UMAD1: variants seen among roughly 807,000 people sequenced by gnomAD.
UMAD1 encodes the protein UBAP1-MVB12-associated (UMA) domain containing 1, also known as UBAP1-MVB12-associated (UMA)-domain containing protein 1.
In UMAD1, 8 loss-of-function variants were observed where a neutral mutation model predicts 6.1. The ratio of observed to expected loss-of-function variants is 1.30; its 90% confidence interval spans 0.76 to 2.35. The LOEUF (loss-of-function observed/expected upper bound fraction) is 2.35. Among genes scored for constraint, UMAD1 ranks in the 30% most tolerant of loss-of-function variants. The pLI is 0.00. For synonymous variants in UMAD1, 56 were observed against 31.4 expected, an observed-to-expected ratio of 1.78 and a Z score of -2.61; for missense variants, 130 against 78.4, an observed-to-expected ratio of 1.66 and a Z score of -2.49.
intron 2 of UMAD1, among the ~76,000 whole-genome samples, chr7:7,772,616 A>T (rs1782122999): frequency 6.6e-6 from 1 of 152,222 alleles, no homozygotes; most frequent in African/African-American, 2.4e-5. Flanking sequence ...AATTGAAAGT[A>T]GTGTGGTTTG....
intron 3 of UMAD1, among the ~76,000 whole-genome samples, chr7:7,847,104 AATATATATATATATAT>A (rs1170307529): frequency 1.5e-4 from 1 of 6,620 alleles, no homozygotes; most frequent in Non-Finnish European, 2.3e-4. Flanking sequence ...AAAAAAAAAA[AATATATATATATATAT>A]ATATATATAT....
intron 1 of UMAD1, among the ~76,000 whole-genome samples, chr7:7,669,897 CTT>C (rs1779562652): frequency 6.6e-6 from 1 of 152,148 alleles, no homozygotes; most frequent in Non-Finnish European, 1.5e-5. Context: ...CTACACGTTT[CTT>C]GACTTTTGGA....
intron 3 of UMAD1, among the ~76,000 whole-genome samples, chr7:7,847,753 G>A (rs111934502): frequency 1.3e-5 from 2 of 152,170 alleles, no homozygotes; most frequent in South Asian, 2.1e-4. Flanking sequence ...GCCTTGCTAT[G>A]TTGCCCAGGC....
At chr7:7,840,856 C>T (rs1055824106) in intron 3 of UMAD1, among the ~76,000 whole-genome samples, 23 of 152,132 alleles carry the variant, frequency 1.5e-4, no homozygotes, top group Admixed American at 1.4e-3. Context: ...TCTGAATTGA[C>T]GTTCTACAGT....
intron 2 of UMAD1, among the ~76,000 whole-genome samples, chr7:7,741,722 C>T (rs952711961): frequency 4.0e-5 from 6 of 151,546 alleles, no homozygotes; most frequent in Non-Finnish European, 5.9e-5. Context: ...AAACTTAAAC[C>T]ACTGATTTGC....
At chr7:7,734,254 T>G (rs1055577423) in intron 2 of UMAD1, among the ~76,000 whole-genome samples, 2 of 152,104 alleles carry the variant, frequency 1.3e-5, no homozygotes, top group African/African-American at 4.8e-5. Context: ...ATTTTGGGTG[T>G]GCCAGGTCAA....
intron 2 of UMAD1, among the ~76,000 whole-genome samples, chr7:7,714,555 G>C (rs1323782360): frequency 6.6e-6 from 1 of 152,196 alleles, no homozygotes; most frequent in African/African-American, 2.4e-5. Context: ...TGGGTGAGAT[G>C]ACTTAGGATC....
intron 3 of UMAD1, among the ~76,000 whole-genome samples, chr7:7,808,055 A>ACCATGTTT (rs1165428121): frequency 6.6e-6 from 1 of 152,030 alleles, no homozygotes; most frequent in Non-Finnish European, 1.5e-5. Context: ...AACAAAGTTC[A>ACCATGTTT]CCATGTTTTT....
chr7:7,745,155 G>C (rs1490561847), intron 2 of UMAD1, among the ~76,000 whole-genome samples: 1 of 152,192 alleles, frequency 6.6e-6, no homozygotes, highest in Non-Finnish European at 1.5e-5. Flanking sequence ...TTAAGTGGAA[G>C]TGGATCATCA....
chr7:7,654,629 G>A (rs768147667), intron 1 of UMAD1, among the ~76,000 whole-genome samples: 6 of 152,130 alleles, frequency 3.9e-5, no homozygotes, highest in Non-Finnish European at 7.4e-5. Context: ...TGGGCTGGGT[G>A]CGGTGGCTCA....
chr7:7,682,970 C>T (rs1048033209), intron 2 of UMAD1, among the ~76,000 whole-genome samples: 2 of 152,138 alleles, frequency 1.3e-5, no homozygotes, highest in African/African-American at 2.4e-5. Context: ...AATCTAGCAG[C>T]GTTTCAGTTT....
At chr7:7,741,286 C>G (rs1183404250) in intron 2 of UMAD1, among the ~76,000 whole-genome samples, 6 of 147,666 alleles carry the variant, frequency 4.1e-5, no homozygotes, top group African/African-American at 7.3e-5. Flanking sequence ...AAAAAAAAGA[C>G]TGTGGCCTGG....
chr7:7,714,967 A>C (rs1301629421), intron 2 of UMAD1, among the ~76,000 whole-genome samples: 3 of 152,042 alleles, frequency 2.0e-5, no homozygotes, highest in African/African-American at 4.8e-5. Context: ...ACAACAACAA[A>C]AAACTACAGA....
intron 3 of UMAD1, among the ~76,000 whole-genome samples, chr7:7,829,598 G>T (rs1783421465): frequency 6.6e-6 from 1 of 152,116 alleles, no homozygotes; most frequent in African/African-American, 2.4e-5. Flanking sequence ...TAATGAATCT[G>T]GCTGAAATAG....
At chr7:7,667,282 A>G (rs1022755846) in intron 1 of UMAD1, among the ~76,000 whole-genome samples, 1 of 152,198 alleles carries the variant, frequency 6.6e-6, no homozygotes, top group African/African-American at 2.4e-5. Context: ...AAATTTGCTC[A>G]TTGTAGACAA....
chr7:7,667,205 A>G (rs765384312), intron 1 of UMAD1, among the ~76,000 whole-genome samples: 1 of 152,238 alleles, frequency 6.6e-6, no homozygotes, highest in Non-Finnish European at 1.5e-5. Context: ...TCAGATAGGT[A>G]AGTTGCCACT....
At position 7,811,514 on chromosome 7, in the gene UMAD1, A is replaced by G. The variant is rs149050489; in HGVS notation, c.156+9771A>G. On this transcript the variant is annotated intron_variant, in intron 3 of 3. Transcript: ENST00000682710. Reference sequence around the variant, plus strand: ...CTCCTTAGCTCACTAAGTATGATCTAGGATATGTTGCTGAGATTTCTTCAA... The same window carrying G: ...CTCCTTAGCTCACTAAGTATGATCTGGGATATGTTGCTGAGATTTCTTCAA... Among the ~76,000 whole-genome samples the G allele has an allele frequency of 1.7e-3, 260 of 152,294 alleles. 3 individuals are homozygous for G. Among genetic ancestry groups the G allele is most frequent in the African/African-American group, 5.8e-3 (242 of 41,562 alleles).
intron 2 of UMAD1, among the ~76,000 whole-genome samples, chr7:7,795,760 G>A (rs1782663585): frequency 6.6e-6 from 1 of 152,138 alleles, no homozygotes; most frequent in African/African-American, 2.4e-5. Flanking sequence ...TGGGAGTATT[G>A]TTTAGCAGGC....
intron 3 of UMAD1, among the ~76,000 whole-genome samples, chr7:7,823,713 A>G (rs1009396073): frequency 6.6e-5 from 10 of 152,270 alleles, no homozygotes; most frequent in African/African-American, 2.2e-4. Flanking sequence ...AATTTTCACA[A>G]TAATATGTTT....
Sources: gnomAD v4.1 joint callset for allele counts (sites outside exome capture counted in the v4.1 genomes callset) on GRCh38, gnomAD v4.1.1 for gene constraint, MANE v1.5 for transcripts, NCBI Gene and HGNC (gene_info 2026-07-23, HGNC 2026-07-21) for gene names.